USH2A: variants seen among roughly 807,000 people sequenced by gnomAD.
USH2A encodes Usher syndrome 2A (autosomal recessive, mild).
A neutral mutation model predicts 538.9 loss-of-function variants in USH2A; 443 were observed. The ratio of observed to expected loss-of-function variants is 0.82; its 90% CI spans 0.76 to 0.89. USH2A has a LOEUF of 0.89. Ranked by LOEUF, USH2A falls within the 40% of genes least tolerant of loss-of-function variation. The pLI, the probability that USH2A is intolerant of heterozygous loss-of-function variation, is 0.00. For synonymous variants in USH2A, 2,413 were observed against 2,273.5 expected (o/e 1.06, Z -1.75); for missense variants, 6,633 against 6,324.8 (o/e 1.05, Z -1.65).
At chr1:216,049,570 G>A (rs1050024414) in intron 30 of USH2A, among the ~76,000 whole-genome samples, 1 of 152,052 alleles carries the variant, frequency 6.6e-6, no homozygotes, top group African/African-American at 2.4e-5. Context: ...ATAAAAAGAT[G>A]GCCCCACTCG....
intron 30 of USH2A, among the ~76,000 whole-genome samples, chr1:216,068,872 T>G (rs1452229646): frequency 6.6e-6 from 1 of 152,184 alleles, no homozygotes; most frequent in Non-Finnish European, 1.5e-5. Context: ...ATGCAATTAA[T>G]ATGTACATTT....
In USH2A at chr1:215,970,648, T is replaced by G. The variant is rs1393581129; in HGVS notation, c.6934A>C (p.Lys2312Gln). 1.9e-6 allele frequency: 3 copies of G among 1,613,532 alleles called. No individual in the cohort carries two copies. The highest frequency in any genetic ancestry group is 2.5e-6 in the Non-Finnish European group (3 of 1,179,706). The change falls in exon 36 of 72, where the codon AAA becomes CAA. Residue 2312 changes from lysine to glutamine, a missense_variant. By Grantham distance (53) the Lys-to-Gln change is moderately conservative. Coordinates refer to ENST00000307340, the MANE Select transcript of USH2A (RefSeq NM_206933.4). ...ACCAGTGGGCCCAGAGCACAACCTT[T>G]GGCCGTGCATGCTTGGACTCTGAAG... ...HSFRVQACTA[K>Q]GCALGPLVEN...
intron 21 of USH2A, among the ~76,000 whole-genome samples, chr1:216,139,415 GA>G (rs1045191339): frequency 9.4e-5 from 11 of 117,382 alleles, no homozygotes; most frequent in African/African-American, 3.6e-4. Flanking sequence ...CCCCTCTACA[GA>G]AAAAAAAAGA....
chr1:215,859,741 G>T (rs1664267534), intron 44 of USH2A, among the ~76,000 whole-genome samples: 1 of 152,134 alleles, frequency 6.6e-6, no homozygotes, highest in Non-Finnish European at 1.5e-5. Flanking sequence ...GCTACACTGA[G>T]AATTAGGGCT....
rs115151124 is a variant in USH2A at position 215,865,849 on chromosome 1, T to A, written c.8845+1158A>T. Reference sequence around the variant, plus strand: ...AATTTATAATTGATATCCTCAATTCTGGCTTTAATTCACAATTGATATCCT... The same window carrying A: ...AATTTATAATTGATATCCTCAATTCAGGCTTTAATTCACAATTGATATCCT... On this transcript the variant is annotated intron_variant, in intron 44 of 71. Coordinates refer to ENST00000307340, the MANE Select transcript of USH2A (RefSeq NM_206933.4). 5.2e-3 allele frequency among the ~76,000 whole-genome samples: 795 copies of A among 152,286 alleles called. 6 individuals carry two copies. The highest frequency in any genetic ancestry group is 0.018 in the African/African-American group (734 of 41,556).
At chr1:215,878,007 T>C (rs1367228132) in intron 42 of USH2A, 127 bp from the exon 43 acceptor site, 2 of 1,344,990 alleles carry the variant, frequency 1.5e-6, no homozygotes, top group African/African-American at 1.5e-5. Flanking sequence ...ACATCTTAAG[T>C]TTACAGTTAC....
chr1:216,021,279 G>A (rs1372277076), intron 32 of USH2A, among the ~76,000 whole-genome samples: 10 of 152,116 alleles, frequency 6.6e-5, no homozygotes, highest in East Asian at 1.9e-4. Context: ...GGAGGGACCC[G>A]GTGGGAGATG....
chr1:216,152,209 T>C (rs2033851367), intron 21 of USH2A, among the ~76,000 whole-genome samples: 1 of 152,162 alleles, frequency 6.6e-6, no homozygotes, highest in Non-Finnish European at 1.5e-5. Context: ...GGCAGGAATG[T>C]CAGGCCTCTG....
intron 61 of USH2A, among the ~76,000 whole-genome samples, chr1:215,710,303 C>T (rs1446639104): frequency 1.3e-5 from 2 of 152,148 alleles, no homozygotes; most frequent in Admixed American, 6.5e-5. Flanking sequence ...AACCAAAGCA[C>T]GTAGCCACCA....
chr1:216,135,063 G>C (rs184448193), intron 21 of USH2A, among the ~76,000 whole-genome samples: 1 of 151,452 alleles, frequency 6.6e-6, no homozygotes, highest in African/African-American at 2.4e-5. Flanking sequence ...GATGGGAGTA[G>C]CAGTTGTACA....
At chr1:216,365,473 A>C (rs1415962991) in intron 3 of USH2A, among the ~76,000 whole-genome samples, 7 of 152,228 alleles carry the variant, frequency 4.6e-5, no homozygotes, top group Non-Finnish European at 1.0e-4. Context: ...AATTAAAACC[A>C]GATATAACAA....
intron 21 of USH2A, chr1:216,173,977 G>A: frequency 1.0e-6 from 1 of 984,718 alleles, no homozygotes; most frequent in Non-Finnish European, 1.2e-6. Flanking sequence ...TAAAGCAGAA[G>A]TTGAGCATTT....
At chr1:215,942,556 A>G (rs1666660772) in intron 37 of USH2A, among the ~76,000 whole-genome samples, 1 of 152,202 alleles carries the variant, frequency 6.6e-6, no homozygotes, top group Non-Finnish European at 1.5e-5. Flanking sequence ...ATTAAGTGGT[A>G]CCACACAACT....
chr1:215,983,261 C>T (rs568231892), intron 35 of USH2A, among the ~76,000 whole-genome samples: 5 of 152,056 alleles, frequency 3.3e-5, no homozygotes, highest in Admixed American at 6.6e-5. Flanking sequence ...CACGCCTGGC[C>T]GAAACTGACC....
intron 61 of USH2A, among the ~76,000 whole-genome samples, chr1:215,712,806 T>C (rs547066494): frequency 1.3e-5 from 2 of 150,360 alleles, no homozygotes; most frequent in South Asian, 4.4e-4. Context: ...TTCTTTTCTT[T>C]TGTTCTTTCT....
chr1:215,984,239 T>C (rs1402122729), intron 35 of USH2A, among the ~76,000 whole-genome samples: 1 of 152,248 alleles, frequency 6.6e-6, no homozygotes, highest in Non-Finnish European at 1.5e-5. Flanking sequence ...TACCATATTG[T>C]ATTTTTTCAG....
intron 35 of USH2A, among the ~76,000 whole-genome samples, chr1:215,987,521 G>A (rs1470320374): frequency 6.6e-6 from 1 of 152,168 alleles, no homozygotes; most frequent in Non-Finnish European, 1.5e-5. Flanking sequence ...AAACAGAGCT[G>A]GAGTGTCACA....
chr1:216,043,658 A>G (rs1226573117), intron 32 of USH2A, among the ~76,000 whole-genome samples: 2 of 152,086 alleles, frequency 1.3e-5, no homozygotes, highest in Non-Finnish European at 2.9e-5. Flanking sequence ...AAACAAACAA[A>G]ATACAGAATT....
rs528141425 is a variant in USH2A at position 215,699,478 on chromosome 1, T to C, written c.12067-19102A>G. 2.6e-5 allele frequency among the ~76,000 whole-genome samples: 4 copies of C among 152,326 alleles called. No individual in the cohort carries two copies. The South Asian group carries it at 8.3e-4, about 32-fold the overall frequency. Reference sequence around the variant, plus strand: ...TGGAATATTTTTCCATTTGTTTGTGTCCTCTCTTAACTTCCTTGTGCAGTG... The same window carrying C: ...TGGAATATTTTTCCATTTGTTTGTGCCCTCTCTTAACTTCCTTGTGCAGTG... On this transcript the variant is annotated intron_variant, in intron 61 of 71. Transcript: ENST00000307340.
Sources: allele counts gnomAD v4.1 joint callset (sites outside exome capture counted in the v4.1 genomes callset), GRCh38; gene constraint gnomAD v4.1.1; transcripts MANE v1.5; gene names NCBI Gene and HGNC (gene_info 2026-07-23, HGNC 2026-07-21).